Variants in GRM5 observed in about 807,000 individuals in gnomAD.
The protein encoded by GRM5 is metabotropic glutamate receptor 5.
A neutral mutation model predicts 83.1 loss-of-function variants in GRM5; 19 were observed. That is an observed-to-expected ratio of 0.23 (90% CI 0.16 to 0.34). The LOEUF (loss-of-function observed/expected upper bound fraction) is 0.34. Among genes scored for constraint, GRM5 ranks in the 10% least tolerant of loss-of-function variants. The pLI, the probability that GRM5 is intolerant of heterozygous loss-of-function variation, is 1.00. For missense variants in GRM5, 1,160 were observed against 1,588.3 expected (o/e 0.73, Z 4.58); for synonymous variants, 675 against 633.6 (o/e 1.07, Z -0.98).
chr11:89,051,885 G>T (rs1941769145), intron 1 of GRM5, among the ~76,000 whole-genome samples: 1 of 152,168 alleles, frequency 6.6e-6, no homozygotes, highest in Non-Finnish European at 1.5e-5. Flanking sequence ...AAATGATGGT[G>T]ACTTCTCTAT....
chr11:88,779,233 C>T (rs1007987264), intron 3 of GRM5, among the ~76,000 whole-genome samples: 8 of 152,192 alleles, frequency 5.3e-5, no homozygotes, highest in South Asian at 4.1e-4. Context: ...GCTGCTACAG[C>T]TGTCAATAGG....
Position 88,772,715 on chromosome 11 carries a change from G to T in GRM5, c.911+77191C>A, listed in dbSNP as rs560584728. On this transcript the variant is annotated intron_variant, in intron 3 of 9. Transcript: ENST00000305447. Reference sequence around the variant, plus strand: ...ACATGCGGTGTTTGGTTTTCTGTCCGAGCGATAGTTTGCTGAGAATGATGG... The same window carrying T: ...ACATGCGGTGTTTGGTTTTCTGTCCTAGCGATAGTTTGCTGAGAATGATGG... Among the ~76,000 whole-genome samples the T allele has an allele frequency of 1.9e-3, 293 of 151,920 alleles. 2 individuals are homozygous for T. Among genetic ancestry groups the T allele is most frequent in the Non-Finnish European group, 2.4e-3 (162 of 67,952 alleles).
chr11:88,831,392 C>A (rs1001490488), intron 3 of GRM5, among the ~76,000 whole-genome samples: 1 of 152,210 alleles, frequency 6.6e-6, no homozygotes, highest in Admixed American at 6.5e-5. Flanking sequence ...CTGCCTATGG[C>A]TTTTGCCACT....
chr11:88,735,108 C>T (rs969057807), intron 3 of GRM5, among the ~76,000 whole-genome samples: 2 of 151,988 alleles, frequency 1.3e-5, no homozygotes, highest in Non-Finnish European at 2.9e-5. Flanking sequence ...TTGAGTTATT[C>T]ATTCTTAATA....
chr11:88,903,890 A>G (rs1034959574), intron 2 of GRM5, among the ~76,000 whole-genome samples: 10 of 152,196 alleles, frequency 6.6e-5, no homozygotes, highest in Admixed American at 3.9e-4. Context: ...CATTCCATAT[A>G]TTTATTAAAA....
At chr11:89,008,194 T>C (rs1396711174) in intron 2 of GRM5, among the ~76,000 whole-genome samples, 1 of 152,170 alleles carries the variant, frequency 6.6e-6, no homozygotes, top group African/African-American at 2.4e-5. Context: ...AAACCTATGC[T>C]GGAAAGAATT....
intron 3 of GRM5, among the ~76,000 whole-genome samples, chr11:88,783,472 G>T (rs991227007): frequency 6.6e-6 from 1 of 152,144 alleles, no homozygotes; most frequent in Non-Finnish European, 1.5e-5. Flanking sequence ...ATGCAGGTAG[G>T]TAGGTGTGTC....
intron 3 of GRM5, among the ~76,000 whole-genome samples, chr11:88,704,857 C>T (rs1941117885): frequency 6.6e-6 from 1 of 151,960 alleles, no homozygotes; most frequent in African/African-American, 2.4e-5. Flanking sequence ...CTAGTTTTTC[C>T]TATGATAATT....
At chr11:88,744,892 T>C (rs1005899438) in intron 3 of GRM5, among the ~76,000 whole-genome samples, 1 of 152,166 alleles carries the variant, frequency 6.6e-6, no homozygotes, top group Non-Finnish European at 1.5e-5. Context: ...CCAGAATATG[T>C]ATCTATATGC....
chr11:88,938,915 A>G (rs1434590250), intron 2 of GRM5, among the ~76,000 whole-genome samples: 3 of 151,718 alleles, frequency 2.0e-5, no homozygotes, highest in Non-Finnish European at 4.4e-5. Context: ...ATGTTCCAGG[A>G]TGGATTCTAG....
At chr11:88,885,320 A>C (rs1945023987) in intron 2 of GRM5, among the ~76,000 whole-genome samples, 1 of 151,920 alleles carries the variant, frequency 6.6e-6, no homozygotes, top group Non-Finnish European at 1.5e-5. Flanking sequence ...ACTCAATAAA[A>C]GTATTATGAT....
chr11:88,632,519 T>C (rs1016564580), intron 4 of GRM5, among the ~76,000 whole-genome samples: 7 of 152,136 alleles, frequency 4.6e-5, no homozygotes, highest in African/African-American at 1.7e-4. Context: ...ATAATTATTT[T>C]GATTTTTGCT....
At chr11:88,592,200 T>C (rs997336787) in intron 6 of GRM5, among the ~76,000 whole-genome samples, 5 of 152,220 alleles carry the variant, frequency 3.3e-5, no homozygotes, top group Non-Finnish European at 5.9e-5. Flanking sequence ...CCTTGAGTAG[T>C]CCTCCAGCTA....
intron 3 of GRM5, among the ~76,000 whole-genome samples, chr11:88,839,715 G>T (rs1590901263): frequency 6.6e-6 from 1 of 152,144 alleles, no homozygotes; most frequent in South Asian, 2.1e-4. Flanking sequence ...GCAGGAGTTA[G>T]ATGCAACATC....
At chr11:88,805,049 G>A (rs1277645283) in intron 3 of GRM5, among the ~76,000 whole-genome samples, 4 of 152,148 alleles carry the variant, frequency 2.6e-5, no homozygotes, top group Admixed American at 2.0e-4. Flanking sequence ...ACTATTTCCT[G>A]TAAATGCATG....
At chr11:88,972,563 G>A (rs1057259753) in intron 2 of GRM5, among the ~76,000 whole-genome samples, 2 of 152,040 alleles carry the variant, frequency 1.3e-5, no homozygotes, top group African/African-American at 2.4e-5. Context: ...GAATTGGAAG[G>A]GAATTCTTCC....
At chr11:88,995,024 A>G (rs575861620) in intron 2 of GRM5, among the ~76,000 whole-genome samples, 5 of 152,324 alleles carry the variant, frequency 3.3e-5, no homozygotes, top group Non-Finnish European at 7.3e-5. Context: ...TAAAGAAATG[A>G]GCAAAATGGT....
intron 2 of GRM5, among the ~76,000 whole-genome samples, chr11:88,910,697 G>A (rs1374369167): frequency 6.6e-6 from 1 of 152,070 alleles, no homozygotes; most frequent in Non-Finnish European, 1.5e-5. Context: ...TATATGGTTT[G>A]AATCAGCAGC....
chr11:88,866,545 G>T (rs182387175), intron 2 of GRM5, among the ~76,000 whole-genome samples: 1,773 of 151,806 alleles, frequency 0.012, 66 homozygotes, highest in Admixed American at 0.074. Flanking sequence ...AGAATTTAGA[G>T]TATAATAAAA....
Sources: gnomAD v4.1 joint callset for allele counts (sites outside exome capture counted in the v4.1 genomes callset) on GRCh38, gnomAD v4.1.1 for gene constraint, MANE v1.5 for transcripts, NCBI Gene and HGNC (gene_info 2026-07-23, HGNC 2026-07-21) for gene names.